The following NXPE2 variants were observed in gnomAD, a reference collection of about 807,000 sequenced individuals.
NXPE2 encodes NXPE family member 2.
NXPE2 carries 34 observed loss-of-function variants against 34.4 expected under a neutral mutation model. The ratio of observed to expected loss-of-function variants is 0.99; its 90% CI spans 0.75 to 1.31. The LOEUF (loss-of-function observed/expected upper bound fraction) is 1.31, where lower values mean the gene tolerates loss of function less well. Among genes scored for constraint, NXPE2 ranks in the 40% most tolerant of loss-of-function variants. The pLI, the probability that NXPE2 is intolerant of heterozygous loss-of-function variation, is 0.00. For missense variants in NXPE2, 649 were observed against 672.5 expected (o/e 0.97, Z 0.39); for synonymous variants, 235 against 231.3 (o/e 1.02, Z -0.15).
chr11:114,551,454 T>A, the NXPE2 span: 2 of 1,233,066 alleles, frequency 1.6e-6, no homozygotes, highest in South Asian at 2.8e-5. Context: ...GAAATGGAAG[T>A]CAAAGTCACC....
chr11:114,776,304 G>C, the NXPE2 span, among the ~76,000 whole-genome samples: 9 of 152,268 alleles, frequency 5.9e-5, no homozygotes, highest in African/African-American at 2.2e-4. Context: ...AACAGCACTT[G>C]TCATCTTGTC....
the NXPE2 span, chr11:114,513,206 A>T: frequency 3.7e-6 from 2 of 542,764 alleles, no homozygotes; most frequent in Non-Finnish European, 7.4e-6. Flanking sequence ...CAGGATGTCC[A>T]GCTGGTGCCT....
the NXPE2 span, among the ~76,000 whole-genome samples, chr11:114,494,357 A>G: frequency 6.6e-6 from 1 of 151,884 alleles, no homozygotes; most frequent in Admixed American, 6.6e-5. Flanking sequence ...TTGAGACTCT[A>G]GATGTTGTAG....
At chr11:114,770,427 C>G in the NXPE2 span, among the ~76,000 whole-genome samples, 1 of 152,186 alleles carries the variant, frequency 6.6e-6, no homozygotes, top group African/African-American at 2.4e-5. Context: ...ATGATGCTTC[C>G]TTCCTTAATG....
At chr11:114,772,068 T>C in the NXPE2 span, among the ~76,000 whole-genome samples, 1 of 152,212 alleles carries the variant, frequency 6.6e-6, no homozygotes, top group Non-Finnish European at 1.5e-5. Flanking sequence ...TGTGGGCTCC[T>C]GCCATGAAAA....
the NXPE2 span, among the ~76,000 whole-genome samples, chr11:114,644,057 C>A: frequency 8.0e-6 from 1 of 124,448 alleles, no homozygotes; most frequent in African/African-American, 3.4e-5. Context: ...TGTTTTGGCT[C>A]TCTATTATTG....
At chr11:114,734,575 C>T in the NXPE2 span, among the ~76,000 whole-genome samples, 1 of 152,102 alleles carries the variant, frequency 6.6e-6, no homozygotes, top group East Asian at 1.9e-4. Flanking sequence ...TATTATACAC[C>T]ATTTATCTTG....
chr11:114,807,383 T>A, the NXPE2 span, among the ~76,000 whole-genome samples: 1 of 152,178 alleles, frequency 6.6e-6, no homozygotes, highest in African/African-American at 2.4e-5. Context: ...TGCAATTAAA[T>A]GACACAGACT....
At chr11:114,532,535 G>C in the NXPE2 span, among the ~76,000 whole-genome samples, 1 of 152,068 alleles carries the variant, frequency 6.6e-6, no homozygotes, top group Non-Finnish European at 1.5e-5. Flanking sequence ...CACAGGCTGA[G>C]ATGCTTTTAT....
chr11:114,705,846 T>G lies in NXPE2; in HGVS notation c.994T>G (p.Leu332Val). Residue 332 changes from leucine (L) to valine (V), a missense_variant, in exon 5 of 6, where the codon TTG (leucine) becomes GTG (valine). Leu to Val is a conservative substitution (Grantham distance 32). Transcript: ENST00000389586. ...GACTCCTTTCCCCAGTGGTTATACT[T>G]TGAAAAAAATGTGGATTACAGCATT... ...MKTPFPSGYTLKKMWITAFCK... is the reference protein window; with the variant it reads ...MKTPFPSGYTVKKMWITAFCK... 6.5e-7 allele frequency: 1 copy of G among 1,543,376 alleles called. No homozygotes were observed. The highest frequency in any genetic ancestry group is 8.7e-7 in the Non-Finnish European group (1 of 1,143,670).
the NXPE2 span, among the ~76,000 whole-genome samples, chr11:114,536,531 C>A: frequency 6.6e-6 from 1 of 152,018 alleles, no homozygotes; most frequent in Non-Finnish European, 1.5e-5. Flanking sequence ...TGATAGACCG[C>A]TAGCAAGACT....
the NXPE2 span, among the ~76,000 whole-genome samples, chr11:114,603,992 C>T: frequency 1.3e-5 from 2 of 151,530 alleles, no homozygotes; most frequent in Non-Finnish European, 2.9e-5. Flanking sequence ...ATAAGTATTG[C>T]CTCGTCTCCT....
the NXPE2 span, among the ~76,000 whole-genome samples, chr11:114,810,479 TCAAA>T: frequency 1.4e-5 from 2 of 147,502 alleles, no homozygotes; most frequent in Admixed American, 6.8e-5. Context: ...TACAATGAAC[TCAAA>T]CAAATTTACA....
the NXPE2 span, among the ~76,000 whole-genome samples, chr11:114,800,928 A>AGAACT: frequency 6.6e-6 from 1 of 152,216 alleles, no homozygotes; most frequent in Non-Finnish European, 1.5e-5. Context: ...ACACAACTTT[A>AGAACT]TAATCTATTA....
chr11:114,533,761 C>G, the NXPE2 span, among the ~76,000 whole-genome samples: 1 of 152,178 alleles, frequency 6.6e-6, no homozygotes. Flanking sequence ...ATTGCTCAGG[C>G]TTGAGTAGGT....
the NXPE2 span, among the ~76,000 whole-genome samples, chr11:114,645,762 A>G: frequency 6.6e-6 from 1 of 152,194 alleles, no homozygotes; most frequent in Non-Finnish European, 1.5e-5. Flanking sequence ...CGTATATGTG[A>G]AAATATTCAA....
the NXPE2 span, among the ~76,000 whole-genome samples, chr11:114,533,731 C>A: frequency 4.6e-5 from 7 of 152,240 alleles, no homozygotes; most frequent in Admixed American, 3.9e-4. Context: ...GGCAGCAAGA[C>A]TAGGGGAGGG....
the NXPE2 span, among the ~76,000 whole-genome samples, chr11:114,612,702 T>C: frequency 6.6e-6 from 1 of 151,718 alleles, no homozygotes; most frequent in Non-Finnish European, 1.5e-5. Context: ...ACTGTTGCCC[T>C]GTGTATAATG....
chr11:114,537,742 T>G, the NXPE2 span, among the ~76,000 whole-genome samples: 1 of 151,468 alleles, frequency 6.6e-6, no homozygotes, highest in South Asian at 2.1e-4. Context: ...AAGGACCTCT[T>G]CAAGGAGAAC....
Sources: gnomAD v4.1 joint callset for allele counts (sites outside exome capture counted in the v4.1 genomes callset) on GRCh38, gnomAD v4.1.1 for gene constraint, MANE v1.5 for transcripts, NCBI Gene and HGNC (gene_info 2026-07-23, HGNC 2026-07-21) for gene names.